The following ELF5 variants were observed in gnomAD, a reference collection of about 807,000 sequenced individuals.
The protein encoded by ELF5 is E74 like ETS transcription factor 5.
Under a neutral mutation model 38.2 loss-of-function variants are expected in ELF5, and 31 were observed. The observed-to-expected ratio is 0.81, with a 90% CI of 0.61 to 1.10. ELF5 has a LOEUF of 1.10. Among genes scored for constraint, ELF5 ranks in the 50% least tolerant of loss-of-function variants. The pLI is 0.00. For missense variants in ELF5, 300 were observed against 306.6 expected (o/e 0.98, Z 0.16); for synonymous variants, 121 against 112.5 (o/e 1.08, Z -0.48).
At chr11:34,492,085 C>T (rs1163829233) in intron 3 of ELF5, 1 of 152,186 alleles carries the variant, frequency 6.6e-6, no homozygotes, top group Non-Finnish European at 1.5e-5. Context: ...TTTGTGCGAG[C>T]CTGTTCCCTT....
At position 34,507,421 on chromosome 11, in the gene ELF5, G is replaced by A. The variant is rs114678065; in HGVS notation, c.-4-1668C>T. On this transcript the variant is annotated intron_variant, in intron 1 of 6. Transcript: ENST00000257832. ...TGAGATTCCGGGTAATACATGCAAA[G>A]CCAGCGAAGCTGGGTGGTGGCTCAG... Among the ~76,000 whole-genome samples the A allele has an allele frequency of 4.2e-3, 638 of 152,372 alleles. 7 individuals are homozygous for A. Among genetic ancestry groups the A allele is most frequent in the African/African-American group, 0.015 (604 of 41,592 alleles).
intron 2 of ELF5, among the ~76,000 whole-genome samples, chr11:34,504,759 G>A (rs748232748): frequency 1.3e-5 from 2 of 152,246 alleles, no homozygotes; most frequent in Non-Finnish European, 2.9e-5. Context: ...GAGGCCCTCA[G>A]AGGGTTTCTG....
At chr11:34,512,739 A>G (rs1212083025) in intron 1 of ELF5, among the ~76,000 whole-genome samples, 1 of 152,170 alleles carries the variant, frequency 6.6e-6, no homozygotes, top group Non-Finnish European at 1.5e-5. Context: ...GACCAAACTG[A>G]AAACTCCGGC....
intron 1 of ELF5, 88 bp from the exon 2 acceptor site, chr11:34,505,841 G>T (rs995167681): frequency 1.4e-6 from 2 of 1,454,348 alleles, no homozygotes; most frequent in Non-Finnish European, 1.8e-6. Flanking sequence ...GGCGATACTT[G>T]TTTTTTAAAA....
chr11:34,480,179 G>T lies in ELF5; in HGVS notation c.*39C>A, dbSNP rs1346176483. On this transcript the variant is annotated 3_prime_UTR_variant, in exon 7 of 7. Coordinates refer to ENST00000257832, the MANE Select transcript of ELF5 (RefSeq NM_001422.4). ...CTATTGCAATCTGATTGTTTTAAAA[G>T]ACAGAAATCCATAAAATGAGCTTGA... 1.9e-6 allele frequency: 3 copies of T among 1,539,892 alleles called. No homozygotes were observed. The highest frequency in any genetic ancestry group is 2.3e-5 in the South Asian group (2 of 88,130).
intron 3 of ELF5, chr11:34,493,204 T>C (rs1319427711): frequency 2.4e-5 from 14 of 592,392 alleles, no homozygotes; most frequent in Admixed American, 1.2e-4. Flanking sequence ...ACTGTATTAT[T>C]ATCAGCCTGG....
chr11:34,494,381 T>A (rs1850262779), intron 2 of ELF5, among the ~76,000 whole-genome samples: 1 of 152,202 alleles, frequency 6.6e-6, no homozygotes, highest in South Asian at 2.1e-4. Context: ...GAACCTTGGG[T>A]TATTAGACAT....
intron 2 of ELF5, among the ~76,000 whole-genome samples, chr11:34,498,400 T>G (rs1255593692): frequency 3.9e-5 from 6 of 152,158 alleles, no homozygotes; most frequent in Non-Finnish European, 8.8e-5. Context: ...TTTCTAGACC[T>G]TCGGTTTATT....
chr11:34,484,301 ATACT>A (rs1382663361), intron 4 of ELF5, among the ~76,000 whole-genome samples: 14 of 151,630 alleles, frequency 9.2e-5, no homozygotes, highest in Non-Finnish European at 1.3e-4. Flanking sequence ...GTACTATACT[ATACT>A]AACTATACTG....
intron 2 of ELF5, among the ~76,000 whole-genome samples, chr11:34,499,907 C>T (rs1451928602): frequency 2.6e-5 from 4 of 152,172 alleles, no homozygotes; most frequent in Admixed American, 2.0e-4. Context: ...ACAAACTGTC[C>T]TAACCTCTCT....
intron 3 of ELF5, 127 bp from the exon 4 acceptor site, chr11:34,490,186 G>C: frequency 3.0e-6 from 3 of 1,012,306 alleles, no homozygotes; most frequent in Non-Finnish European, 4.6e-6. Context: ...CAATTTAGAG[G>C]GAACCTTGGA....
chr11:34,505,510 C>G, intron 2 of ELF5, 119 bp downstream of exon 2: 1 of 1,482,826 alleles, frequency 6.7e-7, no homozygotes. Context: ...CAGCCCTCTG[C>G]CCTGAACTCT....
chr11:34,509,229 T>C (rs1850692410), intron 1 of ELF5, among the ~76,000 whole-genome samples: 2 of 151,834 alleles, frequency 1.3e-5, no homozygotes, highest in South Asian at 4.2e-4. Flanking sequence ...ACTCAGGAGG[T>C]TGAGGCATGA....
chr11:34,497,326 C>CT, intron 2 of ELF5, among the ~76,000 whole-genome samples: 1 of 152,202 alleles, frequency 6.6e-6, no homozygotes, highest in Non-Finnish European at 1.5e-5. Context: ...GACCAGTAGA[C>CT]CATCATGGGC....
In ELF5 at chr11:34,478,943, C is replaced by G. The variant is rs1420499472; in HGVS notation, c.*1275G>C. On this transcript the variant is annotated 3_prime_UTR_variant, in exon 7 of 7. Coordinates refer to ENST00000257832, the MANE Select transcript of ELF5 (RefSeq NM_001422.4). ...CTAATAAGGAGGTCTTCAGCCTGTA[C>G]AGCGATTCAGTGCCTCACCACTTGA... is the stretch of plus-strand genomic sequence containing the variant. 2 of 152,662 alleles carry G rather than the reference C, an allele frequency of 1.3e-5. No individual in the cohort carries two copies. The highest frequency in any genetic ancestry group is 2.9e-5 in the Non-Finnish European group (2 of 68,050). The allele number at this position is 152,662 out of a possible 1,614,324, so 9.5% of individuals were successfully genotyped here. A position where few individuals can be genotyped will look rare whatever the true frequency, so the allele number is the denominator to read the frequency against.
chr11:34,489,947 C>T (rs960952991), intron 4 of ELF5, 62 bp downstream of exon 4: 20 of 1,581,706 alleles, frequency 1.3e-5, no homozygotes, highest in Non-Finnish European at 1.7e-5. Flanking sequence ...AAAGAATGGT[C>T]AAGCCCATGT....
chr11:34,508,080 T>C (rs1850652920), intron 1 of ELF5, among the ~76,000 whole-genome samples: 1 of 152,224 alleles, frequency 6.6e-6, no homozygotes, highest in Non-Finnish European at 1.5e-5. Flanking sequence ...TTTTTAAACA[T>C]ACATAAAAAT....
chr11:34,506,462 C>T (rs1050118287), intron 1 of ELF5, among the ~76,000 whole-genome samples: 1 of 152,154 alleles, frequency 6.6e-6, no homozygotes, highest in Non-Finnish European at 1.5e-5. Context: ...GGTAACAAAC[C>T]TGCACACATA....
chr11:34,489,980 C>G (rs1204882827), intron 4 of ELF5, 29 bp downstream of exon 4: 3 of 1,613,410 alleles, frequency 1.9e-6, no homozygotes, highest in East Asian at 2.2e-5. Flanking sequence ...CTTGACAGAG[C>G]CTTGGGTGGC....
Sources: gnomAD v4.1 joint callset for allele counts (sites outside exome capture counted in the v4.1 genomes callset) on GRCh38, gnomAD v4.1.1 for gene constraint, MANE v1.5 for transcripts, NCBI Gene and HGNC (gene_info 2026-07-23, HGNC 2026-07-21) for gene names.